The following UPF1 variants were observed in gnomAD, a reference collection of about 807,000 sequenced individuals.
UPF1 encodes the protein regulator of nonsense transcripts 1.
UPF1 carries 9 observed loss-of-function variants against 129.2 expected under a neutral mutation model. The ratio of observed to expected loss-of-function variants is 0.07; its 90% confidence interval spans 0.04 to 0.12. UPF1 has a LOEUF of 0.12. Among genes scored for constraint, UPF1 ranks in the 10% least tolerant of loss-of-function variants. The probability of loss-of-function intolerance (pLI) is 1.00; values close to 1 mark genes in which losing one functional copy is unlikely to be tolerated. For synonymous variants in UPF1, 649 were observed against 644.9 expected, an observed-to-expected ratio of 1.01 and a Z score of -0.10; for missense variants, 788 against 1,525.3, an observed-to-expected ratio of 0.52 and a Z score of 8.05.
At chr19:18,856,434 T>A in intron 13 of UPF1, 134 bp downstream of exon 13, 1 of 816,824 alleles carries the variant, frequency 1.2e-6, no homozygotes, top group Non-Finnish European at 1.9e-6. Flanking sequence ...TTGGCCTCTC[T>A]GCGCTCAGTT....
chr19:18,860,169 G>A (rs939637891), intron 15 of UPF1, 152 bp from the exon 16 acceptor site: 7 of 774,484 alleles, frequency 9.0e-6, no homozygotes, highest in African/African-American at 5.2e-5. Context: ...CCAGGGGACC[G>A]GCTCAGGTGA....
Position 18,864,182 on chromosome 19 carries a change from A to G in UPF1, c.2788A>G (p.Met930Val). Residue 930 changes from methionine (M) to valine (V), a missense_variant, in exon 20 of 24, where the codon ATG (methionine) becomes GTG (valine). Coordinates refer to ENST00000262803, the MANE Select transcript of UPF1 (RefSeq NM_002911.4). ...VNTINPGARF[M>V]TTAMYDAREA... ...TAAACCTTCGCAGGGAGCCCGCTTC[A>G]TGACCACAGCCATGTATGATGCCCG... The G allele has an allele frequency of 6.2e-7, 1 of 1,613,982 alleles. No homozygotes were observed. The highest frequency in any genetic ancestry group is 8.5e-7 in the Non-Finnish European group (1 of 1,179,862).
At chr19:18,858,049 A>G (rs1051737929) in intron 15 of UPF1, among the ~76,000 whole-genome samples, 2 of 152,184 alleles carry the variant, frequency 1.3e-5, no homozygotes, top group Non-Finnish European at 1.5e-5. Context: ...GGATCACAGT[A>G]AGAAACGCCC....
intron 8 of UPF1, among the ~76,000 whole-genome samples, chr19:18,854,389 C>T (rs149586457): frequency 2.9e-3 from 449 of 152,296 alleles, no homozygotes; most frequent in African/African-American, 0.01. Context: ...GGTGGGACAC[C>T]GGCTCATGGT....
At chr19:18,838,629 CAA>C (rs1215259239) in intron 1 of UPF1, among the ~76,000 whole-genome samples, 1 of 151,950 alleles carries the variant, frequency 6.6e-6, no homozygotes, top group Non-Finnish European at 1.5e-5. Context: ...GCCTGGGCAA[CAA>C]GAGCAAAACT....
rs954830329 is a variant in UPF1 at position 18,865,390 on chromosome 19, C to T, written c.2959C>T (p.Leu987=). 8.1e-6 allele frequency: 13 copies of T among 1,613,982 alleles called. No individual in the cohort carries two copies. The highest frequency in any genetic ancestry group is 1.7e-5 in the Admixed American group (1 of 60,006). Residue 987 remains leucine, a synonymous_variant, in exon 21 of 24, where the codon CTG becomes TTG. Transcript: ENST00000262803. This position sits in a 1 kb window ranked among gnomAD's most constrained non-coding sequence, Gnocchi z 6.1. Reference sequence around the variant, plus strand: ...CATGAACATTCCCATCCCCTTCAACCTGGTCATGCCACCCATGCCACCGCC... The same window carrying T: ...CATGAACATTCCCATCCCCTTCAACTTGGTCATGCCACCCATGCCACCGCC... ...AAMNIPIPFN[L]VMPPMPPPGY...
chr19:18,833,736 C>T (rs1206100238), intron 1 of UPF1, among the ~76,000 whole-genome samples: 2 of 152,114 alleles, frequency 1.3e-5, no homozygotes, highest in African/African-American at 4.8e-5. Context: ...CACAGGTGTC[C>T]CTTGGCATAT....
intron 1 of UPF1, among the ~76,000 whole-genome samples, chr19:18,845,334 G>C (rs781567962): frequency 1.4e-4 from 22 of 152,224 alleles, no homozygotes; most frequent in Non-Finnish European, 2.4e-4. Flanking sequence ...CCCAGTGGCT[G>C]TGTGGTCTCC....
rs200425183 is a variant in UPF1, at chr19:18,861,015, T to C, written c.2457+33T>C. ...GCGCCCTCGGGCACACTTGGTCTCC[T>C]GGGCCATGCAAGGGTATTGACCCTT... On this transcript the variant is annotated intron_variant, in intron 17 of 23. Coordinates refer to ENST00000262803, the MANE Select transcript of UPF1 (RefSeq NM_002911.4). 2.6e-6 allele frequency: 4 copies of C among 1,547,978 alleles called. No individual in the cohort carries two copies. In the Admixed American group the frequency reaches 5.7e-5, roughly 22 times the overall value.
rs1397581639 is a variant in UPF1 at position 18,866,701 on chromosome 19, C to G, written c.*184C>G. 6.6e-6 allele frequency: 1 copy of G among 152,556 alleles called. No homozygotes were observed. Among genetic ancestry groups the G allele is most frequent in the Non-Finnish European group, 1.5e-5 (1 of 68,096 alleles). The allele number at this position is 152,556 out of a possible 1,614,324, so 9.5% of individuals were successfully genotyped here. A position where few individuals can be genotyped will look rare whatever the true frequency, so the allele number is the denominator to read the frequency against. On this transcript the variant is annotated 3_prime_UTR_variant, in exon 24 of 24. Transcript: ENST00000262803. ...CGAGGCCGAGCGCCCCCTGCTGGCC[C>G]GCGGCGGCGAGGAGCAGAGGGAGCG...
chr19:18,859,436 A>T (rs1011137022), intron 15 of UPF1: 3 of 152,246 alleles, frequency 2.0e-5, no homozygotes, highest in Non-Finnish European at 4.4e-5. Flanking sequence ...ACCAGCTGTG[A>T]GAAGCCGCCT....
intron 1 of UPF1, among the ~76,000 whole-genome samples, chr19:18,838,432 G>A (rs974072925): frequency 7.2e-5 from 11 of 152,140 alleles, no homozygotes; most frequent in East Asian, 1.9e-4. Context: ...GTGAATCACC[G>A]GAGGTCAGGA....
In UPF1 at chr19:18,866,171, G is replaced by C; in HGVS notation, c.*3+5G>C. The C allele has an allele frequency of 6.3e-7, 1 of 1,587,694 alleles. No homozygotes were observed. Among genetic ancestry groups the C allele is most frequent in the Non-Finnish European group, 8.6e-7 (1 of 1,166,842 alleles). On this transcript the variant is annotated splice_donor_5th_base_variant and intron_variant, in intron 23 of 23. Transcript: ENST00000262803. ...GGGCTGTCCCAGTATTAAAAGGCAA[G>C]CCCCCCTGGAGCAGGCCTGGCCCCA...
intron 10 of UPF1, 34 bp from the exon 11 acceptor site, chr19:18,855,090 C>T (rs749465021): frequency 1.5e-5 from 25 of 1,613,382 alleles, no homozygotes; most frequent in Admixed American, 6.7e-5. Context: ...GGGACGCAAG[C>T]GGAGGCTGCC....
chr19:18,849,773 T>G, intron 3 of UPF1: 1 of 353,560 alleles, frequency 2.8e-6, no homozygotes, highest in Non-Finnish European at 5.3e-6. Flanking sequence ...GGGCCAACAA[T>G]GGGTTAAATT....
rs1227158451 is a variant in UPF1, at chr19:18,851,403, C to G, written c.810+535C>G. On this transcript the variant is annotated intron_variant, in intron 5 of 23. Transcript: ENST00000262803. The surrounding 1 kb of genome is among the most constrained non-coding windows in gnomAD (Gnocchi z 4.2). ...TTTAGGATTTTGTGATAAAGTAGTT[C>G]TAATAACTAGGCTAGAAGTTTTCAT... Among the ~76,000 whole-genome samples the G allele has an allele frequency of 2.0e-5, 3 of 152,328 alleles. No individual in the cohort carries two copies. The highest frequency in any genetic ancestry group is 3.9e-4 in the East Asian group (2 of 5,190).
At chr19:18,842,063 C>T (rs1157419027) in intron 1 of UPF1, among the ~76,000 whole-genome samples, 1 of 152,168 alleles carries the variant, frequency 6.6e-6, no homozygotes, top group Admixed American at 6.5e-5. Context: ...TACCACTGCA[C>T]TCCAGCCTGG....
intron 11 of UPF1, chr19:18,855,478 ATGGC>A (rs2055707213): frequency 1.7e-6 from 1 of 595,762 alleles, no homozygotes; most frequent in Non-Finnish European, 3.0e-6. Flanking sequence ...CAGGGGGGGC[ATGGC>A]TGCAGCAGCG....
rs1288831468 is a variant in UPF1, at chr19:18,864,115, G to T, written c.2776-55G>T. 4 of 1,544,132 alleles carry T rather than the reference G, an allele frequency of 2.6e-6. No individual in the cohort carries two copies. The East Asian group carries it at 6.8e-5, about 26-fold the overall frequency. Reference sequence around the variant, plus strand: ...ACCTCCCAGGCCACCGGGCCCGTGGGAAGTTGTTCCTTCTGTTGAGATGAC... The same window carrying T: ...ACCTCCCAGGCCACCGGGCCCGTGGTAAGTTGTTCCTTCTGTTGAGATGAC... On this transcript the variant is annotated intron_variant, in intron 19 of 23. Coordinates refer to ENST00000262803, the MANE Select transcript of UPF1 (RefSeq NM_002911.4).
Sources: allele counts gnomAD v4.1 joint callset (sites outside exome capture counted in the v4.1 genomes callset), GRCh38; gene constraint gnomAD v4.1.1; non-coding constraint Gnocchi (gnomAD v3.1); transcripts MANE v1.5; gene names NCBI Gene and HGNC (gene_info 2026-07-23, HGNC 2026-07-21).